DOT1L: variants seen among roughly 807,000 people sequenced by gnomAD.
DOT1L encodes the protein histone-lysine N-methyltransferase, H3 lysine-79 specific.
DOT1L carries 33 observed loss-of-function variants against 153.3 expected under a neutral mutation model. That is an observed-to-expected ratio of 0.22 (90% CI 0.16 to 0.29). DOT1L has a LOEUF of 0.29. DOT1L is among the 10% of genes least tolerant of loss of function. DOT1L has a pLI of 1.00. For missense variants in DOT1L, 1,847 were observed against 2,119.9 expected, an observed-to-expected ratio of 0.87 and a Z score of 2.53; for synonymous variants, 1,135 against 965.1, an observed-to-expected ratio of 1.18 and a Z score of -3.26.
Position 2,223,398 on chromosome 19 carries a change from C to T in DOT1L, c.3508C>T (p.Arg1170Trp), listed in dbSNP as rs770631816. The change falls in exon 25 of 28, where the codon CGG becomes TGG. Residue 1170 changes from arginine (R) to tryptophan (W), a missense_variant. Around this residue, in one of 8 missense-constraint regions of DOT1L, gnomAD observed 934 missense variants for 825.3 expected, o/e 1.13. Coordinates refer to ENST00000398665, the MANE Select transcript of DOT1L (RefSeq NM_032482.3). ...HDQPPVLKKE[R>W]PLSQTNGAHY... Reference sequence around the variant, plus strand: ...CCAGCCCCCCGTGCTCAAGAAGGAGCGGCCTCTGAGCCAGACCAATGGGGC... The same window carrying T: ...CCAGCCCCCCGTGCTCAAGAAGGAGTGGCCTCTGAGCCAGACCAATGGGGC... The T allele has an allele frequency of 3.7e-6, 6 of 1,613,774 alleles. No homozygotes were observed. Among genetic ancestry groups the T allele is most frequent in the South Asian group, 1.1e-5 (1 of 91,070 alleles).
intron 27 of DOT1L, chr19:2,228,583 G>C: frequency 4.1e-6 from 4 of 985,352 alleles, no homozygotes; most frequent in Non-Finnish European, 4.8e-6. Flanking sequence ...TGAGTGTGTT[G>C]GGTTCCAGCT....
chr19:2,198,552 C>T (rs963033925), intron 7 of DOT1L, among the ~76,000 whole-genome samples: 9 of 152,204 alleles, frequency 5.9e-5, no homozygotes, highest in Admixed American at 2.0e-4. Flanking sequence ...CTTGGGGCGG[C>T]GGCTTGCTTG....
chr19:2,186,099 A>G lies in DOT1L; in HGVS notation c.200+170A>G, dbSNP rs144010739. 1.3e-3 allele frequency among the ~76,000 whole-genome samples: 197 copies of G among 152,372 alleles called. 1 individual carries two copies. The Middle Eastern group carries it at 0.017, about 13-fold the overall frequency. The stretch of plus-strand genomic sequence containing the variant: ...AAAGTTATTTTGGTAGGAAATGTTT[A>G]TCAACTCTTGGCAAAGGCTGTCAGA... On this transcript the variant is annotated intron_variant, in intron 3 of 27. Transcript: ENST00000398665.
chr19:2,232,057 G>A lies in DOT1L; in HGVS notation c.*2265G>A, dbSNP rs1044562982. On this transcript the variant is annotated 3_prime_UTR_variant, in exon 28 of 28. Transcript: ENST00000398665. ...CCCAGACTGAGGGGTGGTGTGTGGC[G>A]GGTGGCAGGGTGGCTGTGGAGACTG... is the stretch of plus-strand genomic sequence containing the variant. 53 of 211,468 alleles carry A rather than the reference G, an allele frequency of 2.5e-4. No homozygotes were observed. The highest frequency in any genetic ancestry group is 5.5e-4 in the African/African-American group (24 of 44,032). 13.1% of individuals were successfully genotyped at this position (211,468 alleles called of 1,614,324 possible).
chr19:2,225,549 G>A, intron 26 of DOT1L, 97 bp downstream of exon 26: 1 of 1,300,564 alleles, frequency 7.7e-7, no homozygotes, highest in East Asian at 2.3e-5. Flanking sequence ...GCTGCATCGT[G>A]TCCCGCATGG....
intron 25 of DOT1L, among the ~76,000 whole-genome samples, 166 bp downstream of exon 25, chr19:2,223,652 T>TG (rs2024217204): frequency 6.6e-6 from 1 of 151,994 alleles, no homozygotes; most frequent in Non-Finnish European, 1.5e-5. Context: ...CCACAGGTCC[T>TG]GGGCCCCGTT....
At chr19:2,165,330 G>A (rs1461723368) in intron 1 of DOT1L, among the ~76,000 whole-genome samples, 3 of 152,332 alleles carry the variant, frequency 2.0e-5, no homozygotes, top group Admixed American at 2.0e-4. Flanking sequence ...CTCGCTGGGG[G>A]CGGGGTCAGG....
chr19:2,231,691 G>A lies in DOT1L; in HGVS notation c.*1899G>A, dbSNP rs184630981. On this transcript the variant is annotated 3_prime_UTR_variant, in exon 28 of 28. Transcript: ENST00000398665. ...CAGGACAGGCAGCCTGCTCTGTGTC[G>A]CCACGGGCCGGATACGCCACAGGGT... is the stretch of plus-strand genomic sequence containing the variant. 318 of 213,670 alleles carry A rather than the reference G, an allele frequency of 1.5e-3. No individual in the cohort carries two copies. The highest frequency in any genetic ancestry group is 6.7e-3 in the African/African-American group (297 of 44,182). 13.2% of individuals were successfully genotyped at this position (213,670 alleles called of 1,614,324 possible).
At position 2,222,923 on chromosome 19, in the gene DOT1L, A is replaced by G. The variant is rs532163677; in HGVS notation, c.3391-358A>G. The G allele has an allele frequency of 2.7e-4, 111 of 415,294 alleles. 2 individuals carry two copies. The South Asian group carries it at 4.0e-3, about 15-fold the overall frequency. 25.7% of individuals were successfully genotyped at this position (415,294 alleles called of 1,614,324 possible). On this transcript the variant is annotated intron_variant, in intron 24 of 27. Transcript: ENST00000398665. This position sits in a 1 kb window ranked among gnomAD's most constrained non-coding sequence, Gnocchi z 6.5. ...AAAAAACAGGTGGAGGCAGGGGGCC[A>G]TGACTGAGCCCGGCCATCCTCCACC...
At chr19:2,229,626 T>C in intron 27 of DOT1L, 159 bp from the exon 28 acceptor site, 2 of 985,414 alleles carry the variant, frequency 2.0e-6, no homozygotes, top group African/African-American at 1.7e-5. Flanking sequence ...GCCCGTCGTC[T>C]GTTGTGGTTA....
In DOT1L at chr19:2,193,685, A is replaced by G; in HGVS notation, c.494-4A>G. 2 of 1,613,958 alleles carry G rather than the reference A, an allele frequency of 1.2e-6. No individual in the cohort carries two copies. The highest frequency in any genetic ancestry group is 1.7e-6 in the Non-Finnish European group (2 of 1,179,866). The stretch of plus-strand genomic sequence containing the variant: ...TGGTATCTGATGGATCTCTCTGATC[A>G]TAGGTGTGGGCCAGGTCGTGCTCCA... On this transcript the variant is annotated splice_polypyrimidine_tract_variant and splice_region_variant and intron_variant, in intron 5 of 27. Coordinates refer to ENST00000398665, the MANE Select transcript of DOT1L (RefSeq NM_032482.3). This position sits in a 1 kb window ranked among gnomAD's most constrained non-coding sequence, Gnocchi z 5.9.
At position 2,207,868 on chromosome 19, in the gene DOT1L, C is replaced by T. The variant is rs1435820923; in HGVS notation, c.963+188C>T. ...GTACTGCTTGCACCGCAGGACCCACCAGGGTCCTCCCAGGCACTGGGCGTG... is the reference window on the plus strand; with the variant it reads ...GTACTGCTTGCACCGCAGGACCCACTAGGGTCCTCCCAGGCACTGGGCGTG... On this transcript the variant is annotated intron_variant, in intron 11 of 27. Coordinates refer to ENST00000398665, the MANE Select transcript of DOT1L (RefSeq NM_032482.3). The surrounding 1 kb of genome is among the most constrained non-coding windows in gnomAD (Gnocchi z 4.5). Among the ~76,000 whole-genome samples, 1 of 152,066 alleles carries T rather than the reference C, an allele frequency of 6.6e-6. No homozygotes were observed. The highest frequency in any genetic ancestry group is 1.5e-5 in the Non-Finnish European group (1 of 67,968).
intron 1 of DOT1L, among the ~76,000 whole-genome samples, chr19:2,170,938 C>T (rs1417770909): frequency 6.6e-6 from 1 of 152,128 alleles, no homozygotes; most frequent in Non-Finnish European, 1.5e-5. Context: ...CCAAGAGTCT[C>T]CCAGAACCTG....
At chr19:2,200,715 C>T (rs537805376) in intron 8 of DOT1L, among the ~76,000 whole-genome samples, 49 of 152,054 alleles carry the variant, frequency 3.2e-4, no homozygotes, top group Non-Finnish European at 2.9e-5. Context: ...CCACATTCCT[C>T]GTCCTCCCCG....
chr19:2,192,628 G>A (rs1422349974), intron 5 of DOT1L, among the ~76,000 whole-genome samples: 2 of 147,014 alleles, frequency 1.4e-5, no homozygotes, highest in Admixed American at 6.9e-5. Flanking sequence ...AGACGAGATC[G>A]CATCACGGCA....
chr19:2,214,675 G>A, intron 19 of DOT1L, 79 bp downstream of exon 19: 1 of 1,546,212 alleles, frequency 6.5e-7, no homozygotes, highest in South Asian at 1.2e-5. Context: ...TGAGCCTAGG[G>A]TGGTTGCGGT....
chr19:2,214,626 G>GT, intron 19 of DOT1L, 30 bp downstream of exon 19: 1 of 1,603,678 alleles, frequency 6.2e-7, no homozygotes, highest in South Asian at 1.1e-5. Flanking sequence ...GCACTCCGTG[G>GT]TGTCCGAGCC....
chr19:2,211,164 A>G lies in DOT1L; in HGVS notation c.1417A>G (p.Asn473Asp), dbSNP rs1467333293. 9 of 1,612,378 alleles carry G rather than the reference A, an allele frequency of 5.6e-6. No individual in the cohort carries two copies. Among genetic ancestry groups the G allele is most frequent in the South Asian group, 1.1e-5 (1 of 91,026 alleles). ...TCCGAGCGTGCAGCGGCACTCCCCC[A>G]ACCCGCTGCTGGTGGCGCCCACCCC... is the stretch of plus-strand genomic sequence containing the variant. Reference protein sequence around the residue: ...LPPSVQRHSPNPLLVAPTPPA... With the variant: ...LPPSVQRHSPDPLLVAPTPPA... Residue 473 changes from asparagine to aspartate, a missense_variant, in exon 15 of 28, where the codon AAC becomes GAC. Asn to Asp is a conservative substitution (Grantham distance 23). Transcript: ENST00000398665.
chr19:2,227,817 G>A (rs1187112718), intron 27 of DOT1L: 3 of 1,299,734 alleles, frequency 2.3e-6, no homozygotes, highest in South Asian at 1.2e-5. Flanking sequence ...ATGTGGCAGC[G>A]CCACACTGGG....
Sources: gnomAD v4.1 joint callset for allele counts (sites outside exome capture counted in the v4.1 genomes callset) on GRCh38, gnomAD v4.1.1 for gene constraint, gnomAD v4.1.1 regional missense constraint, Gnocchi (gnomAD v3.1) non-coding constraint, MANE v1.5 for transcripts, NCBI Gene and HGNC (gene_info 2026-07-23, HGNC 2026-07-21) for gene names.